The following SPON1 variants were observed in gnomAD, a reference collection of about 807,000 sequenced individuals.
The protein encoded by SPON1 is spondin 1.
In SPON1, 52 loss-of-function variants were observed where a neutral mutation model predicts 111.7. The observed-to-expected ratio is 0.47, with a 90% CI of 0.37 to 0.59. SPON1 has a LOEUF of 0.59. Ranked by LOEUF, SPON1 falls within the 20% of genes least tolerant of loss-of-function variation. The pLI, the probability that SPON1 is intolerant of heterozygous loss-of-function variation, is 0.00. For synonymous variants in SPON1, 410 were observed against 395.8 expected (o/e 1.04, Z -0.43); for missense variants, 957 against 1,068.5 (o/e 0.90, Z 1.46).
At chr11:14,091,942 C>T (rs1156525826) in intron 5 of SPON1, among the ~76,000 whole-genome samples, 1 of 152,214 alleles carries the variant, frequency 6.6e-6, no homozygotes, top group Non-Finnish European at 1.5e-5. Flanking sequence ...GGGAGGCCCC[C>T]AGCTGCTTGC....
chr11:14,124,536 C>G (rs901946302), intron 5 of SPON1, among the ~76,000 whole-genome samples: 7 of 152,196 alleles, frequency 4.6e-5, no homozygotes, highest in Admixed American at 3.3e-4. Flanking sequence ...GACAGAACAT[C>G]TCTAAGACCG....
chr11:13,969,424 G>A (rs1848045649), intron 1 of SPON1, among the ~76,000 whole-genome samples: 1 of 152,056 alleles, frequency 6.6e-6, no homozygotes, highest in Non-Finnish European at 1.5e-5. Flanking sequence ...GTGCTGGGGT[G>A]TGTATGTGCA....
intron 6 of SPON1, among the ~76,000 whole-genome samples, chr11:14,157,198 TC>T (rs1847858220): frequency 6.6e-6 from 1 of 152,186 alleles, no homozygotes; most frequent in Non-Finnish European, 1.5e-5. Context: ...TGGGATGATT[TC>T]CTTCTACCTG....
At chr11:14,147,407 T>C (rs896453870) in intron 6 of SPON1, among the ~76,000 whole-genome samples, 2 of 151,896 alleles carry the variant, frequency 1.3e-5, no homozygotes, top group Non-Finnish European at 2.9e-5. Context: ...AAAAGGTTAA[T>C]GAAGTAAACT....
chr11:14,236,098 T>C (rs1398346089), intron 6 of SPON1, among the ~76,000 whole-genome samples: 1 of 151,864 alleles, frequency 6.6e-6, no homozygotes, highest in Non-Finnish European at 1.5e-5. Flanking sequence ...CACTGGAGGA[T>C]TTTGGCCAGA....
intron 9 of SPON1, among the ~76,000 whole-genome samples, chr11:14,256,019 G>C (rs782273041): frequency 6.6e-6 from 1 of 152,130 alleles, no homozygotes; most frequent in Non-Finnish European, 1.5e-5. Context: ...GTCCAAGGTG[G>C]GCAGATCACC....
intron 6 of SPON1, among the ~76,000 whole-genome samples, chr11:14,219,004 G>A (rs1444756063): frequency 6.6e-6 from 1 of 152,162 alleles, no homozygotes; most frequent in African/African-American, 2.4e-5. Context: ...CTTAGCTGAG[G>A]AAGAATTTGG....
intron 2 of SPON1, among the ~76,000 whole-genome samples, chr11:13,998,476 T>C (rs1479547387): frequency 6.6e-6 from 1 of 152,196 alleles, no homozygotes; most frequent in Non-Finnish European, 1.5e-5. Flanking sequence ...ACATTCACAT[T>C]TTCCTTTCAT....
At chr11:14,247,717 A>G (rs1849008306) in intron 7 of SPON1, among the ~76,000 whole-genome samples, 2 of 152,228 alleles carry the variant, frequency 1.3e-5, no homozygotes, top group Non-Finnish European at 1.5e-5. Context: ...GGCTGGCATA[A>G]TGAAAGAGTG....
chr11:14,060,094 G>A (rs370579965), intron 3 of SPON1, among the ~76,000 whole-genome samples: 35 of 152,176 alleles, frequency 2.3e-4, no homozygotes, highest in African/African-American at 6.7e-4. Context: ...AGCACCTTCC[G>A]CTCTACCCCC....
chr11:14,089,697 A>G (rs1849034677), intron 5 of SPON1, among the ~76,000 whole-genome samples: 1 of 151,956 alleles, frequency 6.6e-6, no homozygotes, highest in Non-Finnish European at 1.5e-5. Flanking sequence ...GATCTGCTGC[A>G]CTCTTCAGAG....
chr11:14,019,546 TATTATATATGATC>T (rs1554914603), intron 2 of SPON1, among the ~76,000 whole-genome samples: 1 of 151,976 alleles, frequency 6.6e-6, no homozygotes, highest in African/African-American at 2.4e-5. Context: ...CAAGGTAGAG[TATTATATATGATC>T]ATTATGTATG....
chr11:14,243,541 C>A, intron 7 of SPON1, 145 bp downstream of exon 7: 1 of 710,192 alleles, frequency 1.4e-6, no homozygotes. Flanking sequence ...TTTCTATGTG[C>A]AGAGCATCAC....
chr11:14,009,092 G>A (rs559690765), intron 2 of SPON1, among the ~76,000 whole-genome samples: 39 of 152,288 alleles, frequency 2.6e-4, no homozygotes, highest in Non-Finnish European at 4.7e-4. Context: ...TGGTATGTGA[G>A]CTCCATGAGG....
intron 1 of SPON1, among the ~76,000 whole-genome samples, chr11:13,975,494 C>T (rs1848095836): frequency 6.6e-6 from 1 of 152,158 alleles, no homozygotes; most frequent in Non-Finnish European, 1.5e-5. Flanking sequence ...TTTGTTTCTG[C>T]ACTCATGGAG....
At chr11:14,153,922 C>T (rs1847813476) in intron 6 of SPON1, among the ~76,000 whole-genome samples, 1 of 152,202 alleles carries the variant, frequency 6.6e-6, no homozygotes, top group Non-Finnish European at 1.5e-5. Context: ...AAGTTTGAAA[C>T]CCAACAGGGC....
At position 14,260,571 on chromosome 11, in the gene SPON1, C is replaced by T; in HGVS notation, c.1832-17C>T. The T allele has an allele frequency of 6.2e-7, 1 of 1,608,940 alleles. No homozygotes were observed. Among genetic ancestry groups the T allele is most frequent in the Non-Finnish European group, 8.5e-7 (1 of 1,176,368 alleles). On this transcript the variant is annotated splice_polypyrimidine_tract_variant and intron_variant, in intron 13 of 15. Coordinates refer to ENST00000576479, the MANE Select transcript of SPON1 (RefSeq NM_006108.4). ...AAAGGAACCTGTTCTCAGTGGCAAA[C>T]CTGGTTCTTGATCTAGACACCATCC...
chr11:14,166,601 G>A (rs1194623040), intron 6 of SPON1, among the ~76,000 whole-genome samples: 2 of 152,112 alleles, frequency 1.3e-5, no homozygotes, highest in East Asian at 1.9e-4. Flanking sequence ...AAGACAAAAT[G>A]TCTGTGGATG....
chr11:14,253,193 C>T (rs782399750), intron 7 of SPON1, among the ~76,000 whole-genome samples: 8 of 152,212 alleles, frequency 5.3e-5, no homozygotes, highest in Non-Finnish European at 1.0e-4. Context: ...TGTGGCAGAA[C>T]CTAGACTGGC....
Sources: gnomAD v4.1 joint callset for allele counts (sites outside exome capture counted in the v4.1 genomes callset) on GRCh38, gnomAD v4.1.1 for gene constraint, MANE v1.5 for transcripts, NCBI Gene and HGNC (gene_info 2026-07-23, HGNC 2026-07-21) for gene names.